Variants in TOP1MT observed in about 807,000 individuals in gnomAD.
The protein encoded by TOP1MT is DNA topoisomerase I mitochondrial, also known as DNA topoisomerase I, mitochondrial.
A neutral mutation model predicts 73.9 loss-of-function variants in TOP1MT; 80 were observed. The observed-to-expected ratio is 1.08, with a 90% CI of 0.90 to 1.30. The LOEUF is 1.30. TOP1MT is among the 50% of genes most tolerant of loss of function. TOP1MT has a pLI of 0.00. For missense variants in TOP1MT, 815 were observed against 808.0 expected (o/e 1.01, Z -0.10); for synonymous variants, 338 against 326.4 (o/e 1.04, Z -0.38).
At chr8:143,351,349 G>A (rs1817317225) in intron 1 of TOP1MT, among the ~76,000 whole-genome samples, 1 of 152,158 alleles carries the variant, frequency 6.6e-6, no homozygotes, top group Admixed American at 6.5e-5. Context: ...AAGGTGGGTG[G>A]ATCACCTGAG....
intron 1 of TOP1MT, among the ~76,000 whole-genome samples, chr8:143,352,465 A>G (rs755155025): frequency 1.2e-4 from 19 of 152,224 alleles, no homozygotes; most frequent in Non-Finnish European, 2.4e-4. Context: ...AGGGGTGCGG[A>G]CTGTCCACAT....
upstream of TOP1MT, among the ~76,000 whole-genome samples, chr8:143,335,048 C>T (rs1463957586): frequency 1.3e-5 from 2 of 152,246 alleles, no homozygotes; most frequent in Non-Finnish European, 2.9e-5. Flanking sequence ...GCCGGCCTCC[C>T]CCTGGTTTCC....
chr8:143,325,379 ATCCTTC>A lies in TOP1MT; in HGVS notation c.632_637del (p.Arg211_Arg212del). 6.2e-7 allele frequency: 1 copy of A among 1,606,184 alleles called. No homozygotes were observed. The highest frequency in any genetic ancestry group is 8.5e-7 in the Non-Finnish European group (1 of 1,173,808). On this transcript the variant is annotated inframe_deletion, in exon 5 of 14. Coordinates refer to ENST00000329245, the MANE Select transcript of TOP1MT (RefSeq NM_052963.3). ...GTTGATAACCACATCCTCTGGCGTGATCCTTCTCTTCAGCATCCCCATCTTGGGATG... is the reference window on the plus strand; with the variant it reads ...GTTGATAACCACATCCTCTGGCGTGATCTTCAGCATCCCCATCTTGGGATG...
chr8:143,324,575 G>A lies in TOP1MT; in HGVS notation c.726C>T (p.Ser242=), dbSNP rs377344559. ...CTGCCAGCCACGTGACGGTGTTATCGGAGCGCACCTCCTTCCACTGGTGCC... is the reference window on the plus strand; with the variant it reads ...CTGCCAGCCACGTGACGGTGTTATCAGAGCGCACCTCCTTCCACTGGTGCC... ...PAGHQWKEVR[S]DNTVTWLAAW... is the part of the protein sequence containing the mutation. Residue 242 remains serine, a synonymous_variant, in exon 6 of 14, where the codon TCC becomes TCT. Transcript: ENST00000329245. 1.1e-5 allele frequency: 17 copies of A among 1,613,742 alleles called. No homozygotes were observed. The highest frequency in any genetic ancestry group is 1.6e-4 in the Middle Eastern group (1 of 6,062).
intron 7 of TOP1MT, among the ~76,000 whole-genome samples, chr8:143,321,939 C>CAG (rs200918209): frequency 3.3e-5 from 2 of 61,470 alleles, no homozygotes; most frequent in Non-Finnish European, 7.7e-5. Flanking sequence ...ACGCCACACA[C>CAG]GCACGCCACA....
chr8:143,314,431 A>C (rs557570916), intron 12 of TOP1MT, among the ~76,000 whole-genome samples: 61 of 152,188 alleles, frequency 4.0e-4, no homozygotes, highest in African/African-American at 1.2e-3. Flanking sequence ...CCCCGTTTCT[A>C]CTAAATAAAT....
intron 3 of TOP1MT, among the ~76,000 whole-genome samples, chr8:143,328,761 G>A (rs549709892): frequency 6.0e-4 from 91 of 152,332 alleles, no homozygotes; most frequent in African/African-American, 1.8e-3. Flanking sequence ...AACGCGACCC[G>A]GCCAGAGCCA....
intron 2 of TOP1MT, among the ~76,000 whole-genome samples, chr8:143,342,169 C>T (rs1212572362): frequency 2.4e-5 from 2 of 81,750 alleles, no homozygotes; most frequent in Non-Finnish European, 4.3e-5. Flanking sequence ...GAGTCTCGCT[C>T]TGTTATTATT....
At chr8:143,326,170 C>T (rs997766886) in intron 4 of TOP1MT, 52 bp downstream of exon 4, 27 of 1,603,860 alleles carry the variant, frequency 1.7e-5, no homozygotes, top group Admixed American at 1.2e-4. Flanking sequence ...CCAGGCCGGC[C>T]TCTCGTTCCC....
chr8:143,323,239 CCACA>C (rs1161751728), intron 7 of TOP1MT, among the ~76,000 whole-genome samples: 2 of 110,600 alleles, frequency 1.8e-5, no homozygotes, highest in Non-Finnish European at 3.7e-5. Context: ...CACAGGCACG[CCACA>C]CACACAGGCA....
chr8:143,323,739 C>A (rs1165646299), intron 7 of TOP1MT, among the ~76,000 whole-genome samples: 1 of 60,712 alleles, frequency 1.6e-5, no homozygotes, highest in Non-Finnish European at 3.3e-5. Context: ...CACATGCACG[C>A]CACACACATG....
At chr8:143,342,329 T>TGGAGTGCAGTGGCGTGATCTCG (rs1563771468) in intron 2 of TOP1MT, among the ~76,000 whole-genome samples, 6 of 139,916 alleles carry the variant, frequency 4.3e-5, no homozygotes, top group Non-Finnish European at 8.9e-5. Flanking sequence ...AGAGTCTCGC[T>TGGAGTGCAGTGGCGTGATCTCG]GTTATTATTA....
At chr8:143,330,735 G>A (rs112561432) in intron 2 of TOP1MT, among the ~76,000 whole-genome samples, 2,895 of 152,304 alleles carry the variant, frequency 0.019, 38 homozygotes, top group African/African-American at 0.035. Context: ...GAGGGCTCAA[G>A]GGCAGGAGGG....
chr8:143,342,103 GTTA>G (rs1213067072), intron 2 of TOP1MT, among the ~76,000 whole-genome samples: 13 of 123,922 alleles, frequency 1.0e-4, no homozygotes, highest in East Asian at 4.3e-4. Flanking sequence ...GTCTCGCTCT[GTTA>G]TTATTATTAG....
At chr8:143,325,646 C>T in intron 4 of TOP1MT, 113 bp from the exon 5 acceptor site, 1 of 962,414 alleles carries the variant, frequency 1.0e-6, no homozygotes. Flanking sequence ...TCAGCTGGAC[C>T]CTCAAAGCCC....
intron 1 of TOP1MT, among the ~76,000 whole-genome samples, chr8:143,351,784 GTTAAGACAGCAAT>G (rs1212306375): frequency 6.6e-6 from 1 of 151,742 alleles, no homozygotes; most frequent in East Asian, 2.0e-4. Flanking sequence ...ACTTCATATG[GTTAAGACAGCAAT>G]ACTCGGCCAG....
At chr8:143,321,447 C>T (rs200293741) in intron 7 of TOP1MT, 61 bp from the exon 8 acceptor site, 143,893 of 1,416,626 alleles carry the variant, frequency 0.1, 8,467 homozygotes, top group African/African-American at 0.19. Flanking sequence ...CACACACGCA[C>T]GCCACACACA....
At chr8:143,355,651 C>A (rs1817395247) in intron 1 of TOP1MT, among the ~76,000 whole-genome samples, 1 of 152,138 alleles carries the variant, frequency 6.6e-6, no homozygotes. Context: ...ACAGAAAGGG[C>A]CCCTGGCACA....
chr8:143,332,521 C>G, intron 1 of TOP1MT: 1 of 1,289,406 alleles, frequency 7.8e-7, no homozygotes, highest in Non-Finnish European at 1.0e-6. Context: ...GTGACCCCAG[C>G]CAGGTAGTGC....
Sources: gnomAD v4.1 joint callset for allele counts (sites outside exome capture counted in the v4.1 genomes callset) on GRCh38, gnomAD v4.1.1 for gene constraint, MANE v1.5 for transcripts, NCBI Gene and HGNC (gene_info 2026-07-23, HGNC 2026-07-21) for gene names.